TECRL: variants seen among roughly 807,000 people sequenced by gnomAD.
The protein encoded by TECRL is trans-2,3-enoyl-CoA reductase-like.
A neutral mutation model predicts 52.8 loss-of-function variants in TECRL; 63 were observed. The observed-to-expected ratio is 1.19, with a 90% CI of 0.97 to 1.47. The LOEUF (loss-of-function observed/expected upper bound fraction) is 1.47. TECRL is among the 40% of genes most tolerant of loss of function. The pLI is 0.00. For missense variants in TECRL, 482 were observed against 429.6 expected (o/e 1.12, Z -1.08); for synonymous variants, 164 against 141.9 (o/e 1.16, Z -1.10).
chr4:64,281,308 G>GA (rs1241940296), intron 10 of TECRL, among the ~76,000 whole-genome samples, 166 bp downstream of exon 10: 2 of 151,770 alleles, frequency 1.3e-5, no homozygotes, highest in African/African-American at 2.4e-5. Flanking sequence ...TTTAATATTT[G>GA]AAAAAATTGT....
chr4:64,323,602 G>C (rs958964394), intron 3 of TECRL, among the ~76,000 whole-genome samples: 4 of 152,088 alleles, frequency 2.6e-5, no homozygotes, highest in African/African-American at 9.7e-5. Flanking sequence ...GGGAAGCAAG[G>C]TGATTATTTA....
chr4:64,409,317 C>CGTT lies in TECRL; in HGVS notation c.32_34dup (p.Glu11_Arg12insGln), dbSNP rs1724950217. ...TCTTTGGGAAAGTAATGCTCTCTTG[C>CGTT]GTTCCGAAGCGAGGGACTTGTGCCT... On this transcript the variant is annotated inframe_insertion, in exon 1 of 12. Transcript: ENST00000381210. 1 of 1,613,476 alleles carries CGTT rather than the reference C, an allele frequency of 6.2e-7. No individual in the cohort carries two copies. Among genetic ancestry groups the CGTT allele is most frequent in the African/African-American group, 1.3e-5 (1 of 74,864 alleles).
At chr4:64,398,265 C>T (rs149625783) in intron 1 of TECRL, among the ~76,000 whole-genome samples, 414 of 152,136 alleles carry the variant, frequency 2.7e-3, no homozygotes, top group African/African-American at 9.3e-3. Context: ...AAACTCATAT[C>T]ATTAAATAAT....
At position 64,355,855 on chromosome 4, in the gene TECRL, G is replaced by T. The variant is rs1720737537; in HGVS notation, c.286+19317C>A. 2.6e-5 allele frequency among the ~76,000 whole-genome samples: 4 copies of T among 151,622 alleles called. No homozygotes were observed. The South Asian group carries it at 6.2e-4, about 24-fold the overall frequency. ...AAAAATATTTTAAAAATATATACAT[G>T]GTATGGAGTTTCTGAAAACAATTGT... On this transcript the variant is annotated intron_variant, in intron 2 of 11. Coordinates refer to ENST00000381210, the MANE Select transcript of TECRL (RefSeq NM_001010874.5).
At chr4:64,387,311 C>A (rs1354265011) in intron 1 of TECRL, among the ~76,000 whole-genome samples, 1 of 152,126 alleles carries the variant, frequency 6.6e-6, no homozygotes. Context: ...CATTCACCTA[C>A]TGAAAGACAT....
intron 4 of TECRL, among the ~76,000 whole-genome samples, chr4:64,316,321 AAG>A (rs1717492942): frequency 6.6e-6 from 1 of 152,120 alleles, no homozygotes; most frequent in Non-Finnish European, 1.5e-5. Context: ...AAAATAATTC[AAG>A]AGAGCCTACT....
At chr4:64,354,569 T>G (rs1720631192) in intron 2 of TECRL, among the ~76,000 whole-genome samples, 1 of 152,196 alleles carries the variant, frequency 6.6e-6, no homozygotes, top group Non-Finnish European at 1.5e-5. Context: ...AATGAACAAA[T>G]TCGCTGGAGG....
chr4:64,283,812 A>C (rs1722948663), intron 9 of TECRL, among the ~76,000 whole-genome samples: 1 of 152,134 alleles, frequency 6.6e-6, no homozygotes, highest in Non-Finnish European at 1.5e-5. Context: ...AAATTCCTTG[A>C]GCCTGCAGAG....
chr4:64,332,449 G>T (rs1467560508), intron 2 of TECRL, among the ~76,000 whole-genome samples: 2 of 152,110 alleles, frequency 1.3e-5, no homozygotes, highest in African/African-American at 2.4e-5. Context: ...TCTTTATTCA[G>T]ACCCTATAAT....
intron 11 of TECRL, among the ~76,000 whole-genome samples, 182 bp from the exon 12 acceptor site, chr4:64,280,381 A>C (rs962558505): frequency 6.6e-6 from 1 of 152,110 alleles, no homozygotes; most frequent in Non-Finnish European, 1.5e-5. Context: ...ATGAATGAGT[A>C]AACACAGAAA....
intron 2 of TECRL, among the ~76,000 whole-genome samples, chr4:64,337,498 C>T (rs1207168456): frequency 1.3e-5 from 2 of 152,150 alleles, no homozygotes; most frequent in African/African-American, 2.4e-5. Context: ...TCCCTGTTTG[C>T]AGATGACATG....
In TECRL at chr4:64,336,408, A is replaced by G. The variant is rs533653808; in HGVS notation, c.287-7852T>C. Among the ~76,000 whole-genome samples, 3 of 151,662 alleles carry G rather than the reference A, an allele frequency of 2.0e-5. No individual in the cohort carries two copies. In the East Asian group the frequency reaches 5.8e-4, roughly 29 times the overall value. Reference sequence around the variant, plus strand: ...TCTATTTGAATCTTCTCTCTTCTTTATTAGTCTTGCTAGTGGTCTATCAAT... The same window carrying G: ...TCTATTTGAATCTTCTCTCTTCTTTGTTAGTCTTGCTAGTGGTCTATCAAT... On this transcript the variant is annotated intron_variant, in intron 2 of 11. Transcript: ENST00000381210.
At chr4:64,356,614 C>T (rs4600948) in intron 2 of TECRL, among the ~76,000 whole-genome samples, 151,812 of 152,250 alleles carry the variant, frequency 1, 75,687 homozygotes, top group East Asian at 1. Flanking sequence ...TGCTCACATG[C>T]TTTCTCGCTG....
chr4:64,301,096 G>A lies in TECRL; in HGVS notation c.731-1079C>T, dbSNP rs527824500. 1.8e-3 allele frequency among the ~76,000 whole-genome samples: 274 copies of A among 150,750 alleles called. 1 individual carries two copies. Among genetic ancestry groups the A allele is most frequent in the African/African-American group, 6.3e-3 (259 of 41,376 alleles). On this transcript the variant is annotated intron_variant, in intron 7 of 11. Coordinates refer to ENST00000381210, the MANE Select transcript of TECRL (RefSeq NM_001010874.5). ...CAAACCATATGTACATGAATTGGAAGTCTTGTTTTTATGAAGTTTATATAT... is the reference window on the plus strand; with the variant it reads ...CAAACCATATGTACATGAATTGGAAATCTTGTTTTTATGAAGTTTATATAT...
At chr4:64,296,947 G>A (rs974534519) in intron 8 of TECRL, among the ~76,000 whole-genome samples, 22 of 151,304 alleles carry the variant, frequency 1.5e-4, no homozygotes, top group African/African-American at 5.1e-4. Flanking sequence ...TGTGATACCC[G>A]AACATATCTG....
intron 2 of TECRL, among the ~76,000 whole-genome samples, chr4:64,355,330 A>G (rs1720688904): frequency 6.6e-6 from 1 of 152,176 alleles, no homozygotes; most frequent in Admixed American, 6.5e-5. Flanking sequence ...ATTTCACCCT[A>G]AAAACATTCG....
At chr4:64,373,983 A>C (rs1163546497) in intron 2 of TECRL, among the ~76,000 whole-genome samples, 3 of 124,116 alleles carry the variant, frequency 2.4e-5, no homozygotes, top group African/African-American at 5.9e-5. Context: ...TATAGTAGAT[A>C]TATATATATC....
chr4:64,376,554 A>T (rs1463598562), intron 1 of TECRL, among the ~76,000 whole-genome samples: 2 of 151,918 alleles, frequency 1.3e-5, no homozygotes, highest in Non-Finnish European at 2.9e-5. Context: ...TTGTTTTAAC[A>T]GTGTCCGTTG....
chr4:64,368,562 G>C (rs552430795), intron 2 of TECRL, among the ~76,000 whole-genome samples: 17 of 152,216 alleles, frequency 1.1e-4, no homozygotes, highest in African/African-American at 4.1e-4. Flanking sequence ...CGAAAGTGCT[G>C]GGATTACAGG....
Sources: allele counts gnomAD v4.1 joint callset (sites outside exome capture counted in the v4.1 genomes callset), GRCh38; gene constraint gnomAD v4.1.1; transcripts MANE v1.5; gene names NCBI Gene and HGNC (gene_info 2026-07-23, HGNC 2026-07-21).